Variants in PLCG2 observed in about 807,000 individuals in gnomAD.
The protein encoded by PLCG2 is 1-phosphatidylinositol 4,5-bisphosphate phosphodiesterase gamma-2.
Under a neutral mutation model 175.6 loss-of-function variants are expected in PLCG2, and 69 were observed. The observed-to-expected ratio is 0.39, with a 90% CI of 0.32 to 0.48. PLCG2 has a LOEUF of 0.48. Ranked by LOEUF, PLCG2 falls within the 20% of genes least tolerant of loss-of-function variation. The probability of loss-of-function intolerance (pLI) is 0.91; values close to 1 mark genes in which losing one functional copy is unlikely to be tolerated. For missense variants in PLCG2, 1,798 were observed against 1,650.9 expected (o/e 1.09, Z -1.54); for synonymous variants, 827 against 624.0 (o/e 1.33, Z -4.85).
chr16:81,822,505 C>T (rs1272297004), intron 2 of PLCG2, among the ~76,000 whole-genome samples: 1 of 152,038 alleles, frequency 6.6e-6, no homozygotes, highest in Non-Finnish European at 1.5e-5. Context: ...GCCTGTAATC[C>T]CAGCACTTTG....
At chr16:81,780,934 G>A (rs921248072) in intron 1 of PLCG2, among the ~76,000 whole-genome samples, 13 of 152,168 alleles carry the variant, frequency 8.5e-5, no homozygotes, top group South Asian at 2.1e-4. Context: ...GGCTGAGGCA[G>A]GAGAATCACT....
chr16:81,818,453 C>T (rs1211449899), intron 2 of PLCG2, among the ~76,000 whole-genome samples: 1 of 152,146 alleles, frequency 6.6e-6, no homozygotes, highest in Non-Finnish European at 1.5e-5. Flanking sequence ...TAGCACATAC[C>T]AGGTAGACCA....
rs1305200482 is a variant in PLCG2, at chr16:81,812,181, C to T, written c.193+25999C>T. Among the ~76,000 whole-genome samples, 5 of 151,856 alleles carry T rather than the reference C, an allele frequency of 3.3e-5. No individual in the cohort carries two copies. The East Asian group carries it at 9.6e-4, about 29-fold the overall frequency. On this transcript the variant is annotated intron_variant, in intron 2 of 32. Coordinates refer to ENST00000564138, the MANE Select transcript of PLCG2 (RefSeq NM_002661.5). ...TCTCCTGTCTCAGCCTCCTGAGTAG[C>T]TGGGACTACAGGCACCTGCCACCGC...
chr16:81,827,901 A>G (rs1375088617), intron 2 of PLCG2, among the ~76,000 whole-genome samples: 1 of 152,008 alleles, frequency 6.6e-6, no homozygotes, highest in Non-Finnish European at 1.5e-5. Context: ...GTCCAACCTG[A>G]TCAACATGGA....
intron 11 of PLCG2, 44 bp downstream of exon 11, chr16:81,891,634 A>G (rs1011896121): frequency 5.3e-6 from 6 of 1,136,408 alleles, no homozygotes; most frequent in Non-Finnish European, 8.1e-6. Context: ...AGCACAGAGC[A>G]CGTGAGGGTT....
At chr16:81,766,488 CT>C (rs1910153646) in intron 2 of PLCG2, among the ~76,000 whole-genome samples, 1 of 151,350 alleles carries the variant, frequency 6.6e-6, no homozygotes, top group African/African-American at 2.4e-5. Flanking sequence ...CCTCTTCCTC[CT>C]CCTCCTCCTC....
chr16:81,781,890 G>A (rs1014231918), intron 1 of PLCG2, among the ~76,000 whole-genome samples: 1 of 106,722 alleles, frequency 9.4e-6, no homozygotes, highest in Non-Finnish European at 2.0e-5. Flanking sequence ...GCCCGCCCCC[G>A]AGACGGAGTC....
chr16:81,808,300 A>C (rs916581174), intron 2 of PLCG2, among the ~76,000 whole-genome samples: 1 of 152,030 alleles, frequency 6.6e-6, no homozygotes, highest in Non-Finnish European at 1.5e-5. Flanking sequence ...TTTGGAGGCA[A>C]ACCCCTCCCC....
intron 2 of PLCG2, among the ~76,000 whole-genome samples, chr16:81,793,641 C>A (rs76081754): frequency 0.18 from 26,637 of 152,128 alleles, 2,854 homozygotes; most frequent in Non-Finnish European, 0.25. Flanking sequence ...CTGTCTGTTT[C>A]CTTGGTATTA....
At chr16:81,780,345 C>T (rs571892063) in intron 1 of PLCG2, among the ~76,000 whole-genome samples, 3 of 152,286 alleles carry the variant, frequency 2.0e-5, no homozygotes, top group African/African-American at 7.2e-5. Context: ...ATTGCTGTTC[C>T]ACGAGGTTCG....
intron 1 of PLCG2, among the ~76,000 whole-genome samples, chr16:81,749,576 A>T (rs1909766747): frequency 6.6e-6 from 1 of 152,132 alleles, no homozygotes; most frequent in Non-Finnish European, 1.5e-5. Context: ...CTTGTCTCAA[A>T]CTCCTGACCT....
At chr16:81,953,022 G>A (rs189489907) in intron 31 of PLCG2, among the ~76,000 whole-genome samples, 88 of 152,254 alleles carry the variant, frequency 5.8e-4, no homozygotes, top group African/African-American at 1.9e-3. Context: ...CGCTGAGAAG[G>A]GTACATTGCT....
At chr16:81,829,630 A>G (rs1465576048) in intron 2 of PLCG2, among the ~76,000 whole-genome samples, 2 of 152,212 alleles carry the variant, frequency 1.3e-5, no homozygotes, top group Non-Finnish European at 2.9e-5. Context: ...TTCTCCTCGT[A>G]TGTTCTCCTT....
At chr16:81,761,308 T>A (rs1298099564) in intron 2 of PLCG2, among the ~76,000 whole-genome samples, 1 of 152,244 alleles carries the variant, frequency 6.6e-6, no homozygotes, top group Non-Finnish European at 1.5e-5. Flanking sequence ...AAGGATGCAG[T>A]GAGCTATGGT....
At chr16:81,887,054 C>G (rs539841466) in intron 9 of PLCG2, among the ~76,000 whole-genome samples, 14 of 151,912 alleles carry the variant, frequency 9.2e-5, no homozygotes, top group African/African-American at 3.4e-4. Context: ...AATGCAAAAA[C>G]TTTGTAGGGG....
chr16:81,921,122 C>A, intron 20 of PLCG2, 76 bp from the exon 21 acceptor site: 3 of 907,602 alleles, frequency 3.3e-6, no homozygotes, highest in Non-Finnish European at 5.4e-6. Flanking sequence ...ATAAGGAAGC[C>A]TAGAACCCTT....
intron 2 of PLCG2, among the ~76,000 whole-genome samples, chr16:81,810,090 C>G (rs1051316207): frequency 3.9e-5 from 6 of 152,060 alleles, no homozygotes; most frequent in Non-Finnish European, 8.8e-5. Context: ...CTCCTGGGTT[C>G]AAGTGATTCT....
At chr16:81,836,033 G>A (rs1269448824) in intron 2 of PLCG2, among the ~76,000 whole-genome samples, 1 of 152,132 alleles carries the variant, frequency 6.6e-6, no homozygotes, top group Admixed American at 6.5e-5. Flanking sequence ...ACATACCAGG[G>A]ACTGGACTTC....
At chr16:81,778,879 T>C (rs1910583412), upstream of PLCG2, among the ~76,000 whole-genome samples, 1 of 152,240 alleles carries the variant, frequency 6.6e-6, no homozygotes. Context: ...CATTGCTGTC[T>C]CGAACTCTCG....
Sources: gnomAD v4.1 joint callset for allele counts (sites outside exome capture counted in the v4.1 genomes callset) on GRCh38, gnomAD v4.1.1 for gene constraint, MANE v1.5 for transcripts, NCBI Gene and HGNC (gene_info 2026-07-23, HGNC 2026-07-21) for gene names.